Variants in PREX2 observed in about 807,000 individuals in gnomAD.
PREX2 encodes phosphatidylinositol-3,4,5-trisphosphate dependent Rac exchange factor 2, also known as phosphatidylinositol 3,4,5-trisphosphate-dependent Rac exchanger 2 protein.
In PREX2, 107 loss-of-function variants were observed where a neutral mutation model predicts 203.2. The ratio of observed to expected loss-of-function variants is 0.53; its 90% CI spans 0.45 to 0.62. PREX2 has a LOEUF of 0.62. Among genes scored for constraint, PREX2 ranks in the 20% least tolerant of loss-of-function variants. PREX2 has a pLI of 0.00. For missense variants in PREX2, 1,777 were observed against 1,955.9 expected (o/e 0.91, Z 1.72); for synonymous variants, 672 against 663.6 (o/e 1.01, Z -0.19).
intron 25 of PREX2, among the ~76,000 whole-genome samples, chr8:68,113,304 T>G (rs1318433801): frequency 2.6e-5 from 4 of 152,220 alleles, no homozygotes; most frequent in African/African-American, 7.2e-5. Flanking sequence ...AAAATTATGC[T>G]TAGCCCCATG....
intron 1 of PREX2, among the ~76,000 whole-genome samples, chr8:67,977,151 T>C (rs78089644): frequency 0.023 from 3,488 of 152,258 alleles, 126 homozygotes; most frequent in African/African-American, 0.077. Context: ...GGGTAGGGCC[T>C]TATGAATAGG....
At chr8:68,030,226 A>G (rs935915665) in intron 5 of PREX2, among the ~76,000 whole-genome samples, 1 of 152,168 alleles carries the variant, frequency 6.6e-6, no homozygotes, top group Non-Finnish European at 1.5e-5. Context: ...TCCTCCCAGT[A>G]AGATATTTGA....
Position 68,232,319 on chromosome 8 carries a change from T to C in PREX2, c.*941T>C, listed in dbSNP as rs1813183498. 1 of 152,178 alleles carries C rather than the reference T, an allele frequency of 6.6e-6. No individual in the cohort carries two copies. The highest frequency in any genetic ancestry group is 6.6e-5 in the Admixed American group (1 of 15,260). 9.4% of individuals were successfully genotyped at this position (152,178 alleles called of 1,614,324 possible). On this transcript the variant is annotated 3_prime_UTR_variant, in exon 40 of 40. Coordinates refer to ENST00000288368, the MANE Select transcript of PREX2 (RefSeq NM_024870.4). ...ATACACCATCATGAGAATTTTTCTG[T>C]TAAGATATATGTATAAGATATGAAA... is the stretch of plus-strand genomic sequence containing the variant.
chr8:68,022,929 G>A (rs918677419), intron 4 of PREX2, among the ~76,000 whole-genome samples: 1 of 152,096 alleles, frequency 6.6e-6, no homozygotes, highest in Non-Finnish European at 1.5e-5. Context: ...AAATGTTTTC[G>A]AAGTTCATTC....
At chr8:68,177,743 T>C (rs1563576012) in intron 35 of PREX2, among the ~76,000 whole-genome samples, 1 of 152,158 alleles carries the variant, frequency 6.6e-6, no homozygotes, top group Non-Finnish European at 1.5e-5. Context: ...ACCTAGGTAT[T>C]AAGCCCAGGA....
At chr8:68,059,293 C>CTT (rs5892129) in intron 10 of PREX2, among the ~76,000 whole-genome samples, 122 of 151,124 alleles carry the variant, frequency 8.1e-4, no homozygotes, top group African/African-American at 1.3e-3. Flanking sequence ...ACCACGTGAC[C>CTT]TTTTTTTTTA....
chr8:67,982,426 A>C (rs1806300411), intron 1 of PREX2, among the ~76,000 whole-genome samples: 1 of 152,152 alleles, frequency 6.6e-6, no homozygotes, highest in Non-Finnish European at 1.5e-5. Flanking sequence ...CTGTCTCTAA[A>C]AAAAAATTAA....
intron 35 of PREX2, among the ~76,000 whole-genome samples, chr8:68,161,061 C>G (rs1451292979): frequency 1.3e-5 from 2 of 151,806 alleles, no homozygotes; most frequent in East Asian, 3.9e-4. Context: ...CCTTTTATAA[C>G]CTTTTAAAAT....
chr8:67,987,912 AGTGTGTGT>A (rs71253049), intron 1 of PREX2, among the ~76,000 whole-genome samples: 1 of 150,796 alleles, frequency 6.6e-6, no homozygotes, highest in Non-Finnish European at 1.5e-5. Flanking sequence ...GCAGCCAGGG[AGTGTGTGT>A]GTGTGTGTGT....
chr8:68,083,059 A>G (rs1351227196), intron 17 of PREX2, among the ~76,000 whole-genome samples, 181 bp from the exon 18 acceptor site: 1 of 152,222 alleles, frequency 6.6e-6, no homozygotes. Flanking sequence ...AAACTATGCC[A>G]AAGAGAATGA....
intron 31 of PREX2, among the ~76,000 whole-genome samples, chr8:68,129,447 T>C: frequency 6.6e-6 from 1 of 152,158 alleles, no homozygotes; most frequent in Non-Finnish European, 1.5e-5. Context: ...GGAGCCAAAA[T>C]ACTTTATATT....
chr8:68,125,525 A>G (rs956002888), intron 30 of PREX2, among the ~76,000 whole-genome samples: 4 of 152,144 alleles, frequency 2.6e-5, no homozygotes, highest in Admixed American at 6.6e-5. Context: ...AACTGTGTGT[A>G]GAAGAGAGCA....
chr8:68,040,017 TTC>T lies in PREX2; in HGVS notation c.839+1727_839+1728del, dbSNP rs560005996. Reference sequence around the variant, plus strand: ...CCCTCATTGGCTTCCTAGAATAAAGTTCTTTTTGTTTGTTTGTTTTGTTTTGA... The same window carrying T: ...CCCTCATTGGCTTCCTAGAATAAAGTTTTTTGTTTGTTTGTTTTGTTTTGA... On this transcript the variant is annotated intron_variant, in intron 7 of 39. Transcript: ENST00000288368. Among the ~76,000 whole-genome samples the T allele has an allele frequency of 2.1e-4, 32 of 151,954 alleles. 1 individual carries two copies. The South Asian group carries it at 5.2e-3, about 25-fold the overall frequency.
At chr8:68,154,151 CA>C in intron 34 of PREX2, among the ~76,000 whole-genome samples, 1 of 152,184 alleles carries the variant, frequency 6.6e-6, no homozygotes, top group East Asian at 1.9e-4. Context: ...AGTCACAAAT[CA>C]AAGTGTTTTT....
In PREX2 at chr8:68,053,101, T is replaced by C. The variant is rs1460905535; in HGVS notation, c.948T>C (p.Asp316=). The change falls in exon 9 of 40, where the codon GAT becomes GAC. Residue 316 remains aspartate (D), a synonymous_variant. Transcript: ENST00000288368. ...CCTTTACCCATTAATTTACAGCTGA[T>C]TTCCATAGCAGTGGACACATTGTTG... ...EVENVDDGTA[D]FHSSGHIVVN... is the part of the protein sequence containing the mutation. 6.2e-7 allele frequency: 1 copy of C among 1,611,418 alleles called. No homozygotes were observed. Among genetic ancestry groups the C allele is most frequent in the Admixed American group, 1.7e-5 (1 of 59,754 alleles).
intron 1 of PREX2, among the ~76,000 whole-genome samples, chr8:67,988,577 C>T (rs1023534887): frequency 5.9e-5 from 9 of 152,224 alleles, no homozygotes; most frequent in Admixed American, 1.3e-4. Flanking sequence ...ACACTGGCTC[C>T]TGAATGCCTG....
At chr8:68,198,231 T>A (rs1812437785) in intron 37 of PREX2, among the ~76,000 whole-genome samples, 1 of 152,186 alleles carries the variant, frequency 6.6e-6, no homozygotes, top group Non-Finnish European at 1.5e-5. Context: ...ACAATTATAT[T>A]TCCTTTGTTC....
intron 8 of PREX2, 118 bp from the exon 9 acceptor site, chr8:68,052,979 G>A (rs1404678055): frequency 1.2e-6 from 1 of 828,330 alleles, no homozygotes; most frequent in Non-Finnish European, 1.9e-6. Context: ...CATATGTAAA[G>A]CAAAGAGATG....
chr8:68,024,257 G>T (rs1807649807), intron 4 of PREX2, among the ~76,000 whole-genome samples: 1 of 151,886 alleles, frequency 6.6e-6, no homozygotes, highest in Non-Finnish European at 1.5e-5. Flanking sequence ...ATTGTTTAAT[G>T]ATTCAATTAT....
Sources: allele counts gnomAD v4.1 joint callset (sites outside exome capture counted in the v4.1 genomes callset), GRCh38; gene constraint gnomAD v4.1.1; transcripts MANE v1.5; gene names NCBI Gene and HGNC (gene_info 2026-07-23, HGNC 2026-07-21).